Variants in FCGR2B observed in about 807,000 individuals in gnomAD.
The protein encoded by FCGR2B is low affinity immunoglobulin gamma Fc region receptor II-b.
Under a neutral mutation model 24.8 loss-of-function variants are expected in FCGR2B, and 18 were observed. That is an observed-to-expected ratio of 0.73 (90% CI 0.50 to 1.08). The LOEUF (loss-of-function observed/expected upper bound fraction) is 1.08. FCGR2B is among the 50% of genes least tolerant of loss of function. The pLI is 0.00. For synonymous variants in FCGR2B, 79 were observed against 109.8 expected, an observed-to-expected ratio of 0.72 and a Z score of 1.75; for missense variants, 215 against 297.6, an observed-to-expected ratio of 0.72 and a Z score of 2.04.
chr1:161,668,740 G>A (rs2007773), intron 1 of FCGR2B, among the ~76,000 whole-genome samples: 82,406 of 84,250 alleles, frequency 0.98, 40,583 homozygotes, highest in East Asian at 1. Flanking sequence ...TGGTCCAAGT[G>A]TATATTTCGA....
intron 2 of FCGR2B, 82 bp from the exon 3 acceptor site, chr1:161,671,310 G>C: frequency 6.2e-7 from 1 of 1,607,310 alleles, no homozygotes; most frequent in Non-Finnish European, 8.5e-7. Flanking sequence ...AGGCCTACAG[G>C]TGCTTTTTTG....
intron 2 of FCGR2B, among the ~76,000 whole-genome samples, chr1:161,670,948 C>T (rs61804183): frequency 7.6e-4 from 114 of 150,812 alleles, no homozygotes; most frequent in Middle Eastern, 6.8e-3. Flanking sequence ...TCCACCAGAG[C>T]CCCCACTTAT....
intron 6 of FCGR2B, 34 bp from the exon 7 acceptor site, chr1:161,677,294 G>C (rs1682229596): frequency 6.2e-7 from 1 of 1,611,032 alleles, no homozygotes; most frequent in African/African-American, 1.3e-5. Context: ...TTCTCCAGCA[G>C]TGCTCTGGCT....
In FCGR2B at chr1:161,677,670, G is replaced by A. The variant is rs1185862561; in HGVS notation, c.*117G>A. Reference sequence around the variant, plus strand: ...AGATGCTGCAGTTCCAAAAGAGAAGGTTTCTTCCAGAGTCATCTACCTGAG... The same window carrying A: ...AGATGCTGCAGTTCCAAAAGAGAAGATTTCTTCCAGAGTCATCTACCTGAG... On this transcript the variant is annotated 3_prime_UTR_variant, in exon 8 of 8. Coordinates refer to ENST00000358671, the MANE Select transcript of FCGR2B (RefSeq NM_001394477.1). 5.0e-6 allele frequency: 4 copies of A among 799,668 alleles called. No individual in the cohort carries two copies. Among genetic ancestry groups the A allele is most frequent in the Non-Finnish European group, 8.2e-6 (4 of 490,170 alleles). 49.5% of individuals were successfully genotyped at this position (799,668 alleles called of 1,614,324 possible).
Position 161,677,704 on chromosome 1 carries a change from C to A in FCGR2B, c.*151C>A. On this transcript the variant is annotated 3_prime_UTR_variant, in exon 8 of 8. Coordinates refer to ENST00000358671, the MANE Select transcript of FCGR2B (RefSeq NM_001394477.1). ...AGAGTCATCTACCTGAGTCCTGAAGCTCCCTGTCCTGAAAGCCACAGACAA... is the reference window on the plus strand; with the variant it reads ...AGAGTCATCTACCTGAGTCCTGAAGATCCCTGTCCTGAAAGCCACAGACAA... 1 of 630,568 alleles carries A rather than the reference C, an allele frequency of 1.6e-6. No homozygotes were observed. The highest frequency in any genetic ancestry group is 2.0e-5 in the South Asian group (1 of 48,950). The allele number at this position is 630,568 out of a possible 1,614,324, so 39.1% of individuals were successfully genotyped here.
In FCGR2B at chr1:161,671,460, A is replaced by T; in HGVS notation, c.202A>T (p.Thr68Ser). 1 of 1,614,040 alleles carries T rather than the reference A, an allele frequency of 6.2e-7. No homozygotes were observed. The highest frequency in any genetic ancestry group is 8.5e-7 in the Non-Finnish European group (1 of 1,180,004). ...WINVLQEDSV[T>S]LTCRGTHSPE... is the part of the protein sequence containing the mutation. The stretch of plus-strand genomic sequence containing the variant: ...CAACGTGCTCCAGGAGGACTCTGTG[A>T]CTCTGACATGCCGGGGGACTCACAG... The change falls in exon 3 of 8, where the codon ACT (threonine) becomes TCT (serine). Residue 68 changes from threonine (T) to serine (S), a missense_variant. By Grantham distance (58) the Thr-to-Ser change is moderately conservative. Around this residue, in one of 5 missense-constraint regions of FCGR2B, gnomAD observed 77 missense variants for 68.8 expected, o/e 1.12. Transcript: ENST00000358671.
Position 161,667,402 on chromosome 1 carries a change from A to T in FCGR2B, c.113-2850A>T, listed in dbSNP as rs6661332. 2.0e-3 allele frequency among the ~76,000 whole-genome samples: 250 copies of T among 125,296 alleles called. 9 individuals are homozygous for T. Among genetic ancestry groups the T allele is most frequent in the African/African-American group, 3.6e-3 (114 of 31,606 alleles). 82.2% of individuals were successfully genotyped at this position (125,296 alleles called of 152,430 possible). On this transcript the variant is annotated intron_variant, in intron 1 of 7. Coordinates refer to ENST00000358671, the MANE Select transcript of FCGR2B (RefSeq NM_001394477.1). ...GTCCTTTTGAATGCGGTGATCGCAC[A>T]TTTACTGCGTCAACAGTTTGCCTTC...
chr1:161,677,051 G>T (rs1194757637), intron 6 of FCGR2B: 55 of 469,740 alleles, frequency 1.2e-4, no homozygotes, highest in Non-Finnish European at 1.8e-4. Context: ...TCCCTGGTTT[G>T]CTTCTAGGAA....
intron 2 of FCGR2B, among the ~76,000 whole-genome samples, chr1:161,671,033 C>T (rs1212311749): frequency 2.0e-5 from 3 of 151,900 alleles, no homozygotes; most frequent in Non-Finnish European, 4.4e-5. Flanking sequence ...AAGTTAGTCT[C>T]GAAAGAGTAT....
intron 2 of FCGR2B, among the ~76,000 whole-genome samples, chr1:161,671,171 CCTT>C (rs1440664375): frequency 6.6e-6 from 1 of 152,194 alleles, no homozygotes; most frequent in African/African-American, 2.4e-5. Flanking sequence ...CCTGCTCCCT[CCTT>C]CTTCCCTGTT....
At chr1:161,656,238 G>C in the FCGR2B span, among the ~76,000 whole-genome samples, 7 of 148,198 alleles carry the variant, frequency 4.7e-5, 1 homozygote, top group Non-Finnish European at 9.1e-5. Context: ...TCTGTCTCCT[G>C]CATGTATCCT....
In FCGR2B at chr1:161,677,598, G is replaced by A; in HGVS notation, c.*45G>A. On this transcript the variant is annotated 3_prime_UTR_variant, in exon 8 of 8. Transcript: ENST00000358671. ...GGATTTGAGAAGAAAATCAGAGAGG[G>A]AAGATCTGGTATTTCCTGGCCTAAA... 1.4e-6 allele frequency: 2 copies of A among 1,447,332 alleles called. No individual in the cohort carries two copies. The highest frequency in any genetic ancestry group is 1.9e-6 in the Non-Finnish European group (2 of 1,033,190). 89.7% of individuals were successfully genotyped at this position (1,447,332 alleles called of 1,614,324 possible). A position where few individuals can be genotyped will look rare whatever the true frequency, so the allele number is the denominator to read the frequency against.
upstream of FCGR2B, among the ~76,000 whole-genome samples, chr1:161,661,268 AAGC>A (rs1681074314): frequency 7.5e-6 from 1 of 133,810 alleles, no homozygotes; most frequent in East Asian, 2.4e-4. Flanking sequence ...GAAAGGAAGG[AAGC>A]AAGAAAGGAA....
At chr1:161,647,462 G>C in the FCGR2B span, among the ~76,000 whole-genome samples, 2 of 150,364 alleles carry the variant, frequency 1.3e-5, no homozygotes, top group South Asian at 4.2e-4. Flanking sequence ...CAGCATGCCC[G>C]TCTAATTTTT....
At chr1:161,661,250 GAAA>G (rs1557895241), upstream of FCGR2B, among the ~76,000 whole-genome samples, 728 of 51,948 alleles carry the variant, frequency 0.014, 76 homozygotes, top group African/African-American at 0.027. Flanking sequence ...AAGAAAGAAA[GAAA>G]GAAAGAAAGG....
chr1:161,675,459 G>C (rs1682040504), intron 6 of FCGR2B, 146 bp downstream of exon 6: 2 of 572,852 alleles, frequency 3.5e-6, no homozygotes. Flanking sequence ...CAAATCGCTT[G>C]GTCAGCTCTT....
chr1:161,677,083 G>T, intron 6 of FCGR2B: 1 of 525,006 alleles, frequency 1.9e-6, no homozygotes, highest in South Asian at 2.7e-5. Context: ...TCCCTGAAAA[G>T]AATGCAGCTC....
chr1:161,654,563 T>C, the FCGR2B span, among the ~76,000 whole-genome samples: 79 of 133,968 alleles, frequency 5.9e-4, 1 homozygote, highest in African/African-American at 1.9e-3. Context: ...CACAAGCTTT[T>C]CATGAGCTCT....
At chr1:161,661,284 AAG>A, upstream of FCGR2B, among the ~76,000 whole-genome samples, 1 of 138,996 alleles carries the variant, frequency 7.2e-6, no homozygotes, top group South Asian at 2.3e-4. Context: ...GAAAGGAAGA[AAG>A]AGAGAGAAAG....
Sources: gnomAD v4.1 joint callset for allele counts (sites outside exome capture counted in the v4.1 genomes callset) on GRCh38, gnomAD v4.1.1 for gene constraint, gnomAD v4.1.1 regional missense constraint, MANE v1.5 for transcripts, NCBI Gene and HGNC (gene_info 2026-07-23, HGNC 2026-07-21) for gene names.